PAPPA2: variants seen among roughly 807,000 people sequenced by gnomAD.
PAPPA2 encodes the protein pappalysin-2.
In PAPPA2, 86 loss-of-function variants were observed where a neutral mutation model predicts 176.4. The ratio of observed to expected loss-of-function variants is 0.49; its 90% CI spans 0.41 to 0.58. PAPPA2 has a LOEUF of 0.58. Among genes scored for constraint, PAPPA2 ranks in the 20% least tolerant of loss-of-function variants. The probability of loss-of-function intolerance (pLI) is 0.00; values close to 1 mark genes in which losing one functional copy is unlikely to be tolerated. For missense variants in PAPPA2, 2,073 were observed against 2,256.9 expected, an observed-to-expected ratio of 0.92 and a Z score of 1.65; for synonymous variants, 809 against 852.2, an observed-to-expected ratio of 0.95 and a Z score of 0.88.
At chr1:176,840,564 G>A (rs1379492155) in intron 22 of PAPPA2, among the ~76,000 whole-genome samples, 1 of 152,134 alleles carries the variant, frequency 6.6e-6, no homozygotes, top group East Asian at 1.9e-4. Flanking sequence ...TGTAGGCAGG[G>A]AAAGTAATTG....
At chr1:176,777,309 A>G (rs971950275) in intron 17 of PAPPA2, among the ~76,000 whole-genome samples, 4 of 152,162 alleles carry the variant, frequency 2.6e-5, no homozygotes, top group African/African-American at 7.2e-5. Flanking sequence ...GCACTGTTAG[A>G]GTAATACTTG....
At chr1:176,755,529 G>A (rs1049180147) in intron 14 of PAPPA2, among the ~76,000 whole-genome samples, 3 of 152,316 alleles carry the variant, frequency 2.0e-5, no homozygotes, top group South Asian at 2.1e-4. Flanking sequence ...AATGTAGTTG[G>A]GGAAGTGTCA....
chr1:176,651,811 G>A (rs1336009057), intron 3 of PAPPA2, among the ~76,000 whole-genome samples: 2 of 151,060 alleles, frequency 1.3e-5, no homozygotes, highest in Non-Finnish European at 3.0e-5. Context: ...TATCTTGTAG[G>A]CAATCTTCAT....
intron 1 of PAPPA2, among the ~76,000 whole-genome samples, chr1:176,535,586 G>C (rs956689642): frequency 2.0e-5 from 3 of 152,188 alleles, no homozygotes; most frequent in Non-Finnish European, 2.9e-5. Context: ...AGGAGACAGA[G>C]AGCAGAAGAG....
chr1:176,761,302 TC>T, intron 14 of PAPPA2, among the ~76,000 whole-genome samples: 1 of 152,154 alleles, frequency 6.6e-6, no homozygotes, highest in East Asian at 1.9e-4. Flanking sequence ...AAAAACTCAA[TC>T]CTTTGGCTTA....
rs145313576 is a variant in PAPPA2, at chr1:176,776,136, G to C, written c.4715+4956G>C. 7.9e-3 allele frequency among the ~76,000 whole-genome samples: 1,197 copies of C among 152,220 alleles called. 19 individuals carry two copies. Among genetic ancestry groups the C allele is most frequent in the African/African-American group, 0.027 (1,115 of 41,524 alleles). The stretch of plus-strand genomic sequence containing the variant: ...TAACCTGATTTCCTGGGAAGCTAAA[G>C]TAAGTGTGTTTGACTTGTATTTTGT... On this transcript the variant is annotated intron_variant, in intron 17 of 22. Transcript: ENST00000367662.
intron 12 of PAPPA2, among the ~76,000 whole-genome samples, chr1:176,739,040 A>G (rs1255072427): frequency 6.6e-6 from 1 of 152,142 alleles, no homozygotes; most frequent in Non-Finnish European, 1.5e-5. Flanking sequence ...GACACATAAG[A>G]ATAAACAGTT....
intron 3 of PAPPA2, among the ~76,000 whole-genome samples, chr1:176,647,589 T>C (rs1461248609): frequency 6.6e-6 from 1 of 151,696 alleles, no homozygotes; most frequent in Non-Finnish European, 1.5e-5. Context: ...TTATTTTTTG[T>C]ATGTGGTAAG....
At chr1:176,627,115 A>T (rs755930525) in intron 3 of PAPPA2, among the ~76,000 whole-genome samples, 7 of 152,098 alleles carry the variant, frequency 4.6e-5, no homozygotes, top group Non-Finnish European at 1.0e-4. Flanking sequence ...TACTGGTACT[A>T]AAAGAAAGAC....
intron 12 of PAPPA2, among the ~76,000 whole-genome samples, chr1:176,733,105 T>G (rs1222715495): frequency 6.6e-6 from 1 of 152,140 alleles, no homozygotes; most frequent in Non-Finnish European, 1.5e-5. Context: ...CCTGAAACCA[T>G]CCTCCTCCAT....
chr1:176,550,787 C>T (rs913782851), intron 1 of PAPPA2, among the ~76,000 whole-genome samples: 2 of 152,130 alleles, frequency 1.3e-5, no homozygotes, highest in Non-Finnish European at 2.9e-5. Context: ...TGGCTCAAAA[C>T]GCACAGGGAA....
intron 1 of PAPPA2, among the ~76,000 whole-genome samples, chr1:176,529,118 T>C (rs1186342070): frequency 6.6e-6 from 1 of 151,978 alleles, no homozygotes; most frequent in Non-Finnish European, 1.5e-5. Context: ...TGAAATGCAG[T>C]GGAAGAATTA....
intron 1 of PAPPA2, among the ~76,000 whole-genome samples, chr1:176,496,934 C>G (rs1647664582): frequency 6.6e-6 from 1 of 152,112 alleles, no homozygotes; most frequent in African/African-American, 2.4e-5. Context: ...AACCTTTATA[C>G]TAAACATCCC....
chr1:176,615,472 G>A (rs1003084245), intron 3 of PAPPA2, among the ~76,000 whole-genome samples: 2 of 152,002 alleles, frequency 1.3e-5, no homozygotes, highest in African/African-American at 4.8e-5. Flanking sequence ...CACCATGCCC[G>A]GCTAATTTTT....
intron 20 of PAPPA2, among the ~76,000 whole-genome samples, chr1:176,795,497 A>T (rs1255617835): frequency 6.6e-6 from 1 of 152,226 alleles, no homozygotes; most frequent in African/African-American, 2.4e-5. Flanking sequence ...GTTTTACTGT[A>T]TCTCATGACT....
At chr1:176,691,055 T>A (rs1489951915) in intron 5 of PAPPA2, 12 of 985,292 alleles carry the variant, frequency 1.2e-5, no homozygotes, top group Non-Finnish European at 1.4e-5. Flanking sequence ...GAAAAACTTG[T>A]CATCTGGTCT....
intron 3 of PAPPA2, among the ~76,000 whole-genome samples, chr1:176,627,419 C>G (rs570383048): frequency 6.6e-6 from 1 of 152,082 alleles, no homozygotes; most frequent in Non-Finnish European, 1.5e-5. Flanking sequence ...CCCCTTAGCT[C>G]GAGAGAAGTT....
chr1:176,666,600 TGTGTGTGTGA>T (rs1339128904), intron 3 of PAPPA2, among the ~76,000 whole-genome samples: 7 of 129,104 alleles, frequency 5.4e-5, no homozygotes, highest in South Asian at 2.4e-4. Context: ...TGTGTGTGTG[TGTGTGTGTGA>T]GAGAGAGAGA....
chr1:176,752,122 C>T (rs1457070742), intron 14 of PAPPA2, among the ~76,000 whole-genome samples: 1 of 133,640 alleles, frequency 7.5e-6, no homozygotes, highest in Non-Finnish European at 1.6e-5. Context: ...TATTCTCACT[C>T]ATAGGTGGGA....
Sources: gnomAD v4.1 joint callset for allele counts (sites outside exome capture counted in the v4.1 genomes callset) on GRCh38, gnomAD v4.1.1 for gene constraint, MANE v1.5 for transcripts, NCBI Gene and HGNC (gene_info 2026-07-23, HGNC 2026-07-21) for gene names.